DHX57: variants seen among roughly 807,000 people sequenced by gnomAD.
DHX57 encodes the protein putative ATP-dependent RNA helicase DHX57.
Under a neutral mutation model 156.2 loss-of-function variants are expected in DHX57, and 105 were observed. The observed-to-expected ratio is 0.67, with a 90% CI of 0.57 to 0.79. DHX57 has a LOEUF of 0.79. Among genes scored for constraint, DHX57 ranks in the 30% least tolerant of loss-of-function variants. DHX57 has a pLI of 0.00. For synonymous variants in DHX57, 704 were observed against 595.6 expected (o/e 1.18, Z -2.65); for missense variants, 1,847 against 1,661.9 (o/e 1.11, Z -1.94).
intron 9 of DHX57, among the ~76,000 whole-genome samples, chr2:38,848,807 C>T (rs1672425528): frequency 6.6e-6 from 1 of 152,020 alleles, no homozygotes; most frequent in African/African-American, 2.4e-5. Flanking sequence ...TACATTGAAC[C>T]ATCGGAGAGC....
intron 16 of DHX57, 41 bp from the exon 17 acceptor site, chr2:38,823,310 T>C (rs1025303719): frequency 6.4e-7 from 1 of 1,574,280 alleles, no homozygotes; most frequent in Non-Finnish European, 8.7e-7. Context: ...ATTTTATTTC[T>C]GGTGGGATGA....
At chr2:38,872,829 A>C (rs1558411771) in intron 1 of DHX57, among the ~76,000 whole-genome samples, 1 of 152,208 alleles carries the variant, frequency 6.6e-6, no homozygotes, top group African/African-American at 2.4e-5. Context: ...TAGACAGAGG[A>C]TCAACAAGGA....
At chr2:38,859,923 A>ACAT in intron 5 of DHX57, among the ~76,000 whole-genome samples, 1 of 150,854 alleles carries the variant, frequency 6.6e-6, no homozygotes, top group South Asian at 2.1e-4. Flanking sequence ...TGATTCCCCC[A>ACAT]CATCAGCCTC....
At chr2:38,834,880 T>C (rs1036821073) in intron 13 of DHX57, among the ~76,000 whole-genome samples, 1 of 152,188 alleles carries the variant, frequency 6.6e-6, no homozygotes, top group Non-Finnish European at 1.5e-5. Context: ...TTTTGAGAAA[T>C]ACCTTTTTAT....
intron 19 of DHX57, chr2:38,816,283 T>C (rs1023064090): frequency 1.1e-5 from 5 of 457,354 alleles, no homozygotes; most frequent in Admixed American, 4.8e-5. Context: ...GGCGCAATCT[T>C]GGCTTTCTGC....
intron 22 of DHX57, 68 bp from the exon 23 acceptor site, chr2:38,802,983 C>G: frequency 6.4e-7 from 1 of 1,570,044 alleles, no homozygotes. Flanking sequence ...ACCCCCCAGT[C>G]CCACGGATTT....
intron 12 of DHX57, among the ~76,000 whole-genome samples, chr2:38,839,828 T>C (rs1010274409): frequency 1.3e-5 from 2 of 151,970 alleles, no homozygotes; most frequent in African/African-American, 4.8e-5. Context: ...AAGGGTGTGG[T>C]TGGGTGAGAA....
At chr2:38,811,255 C>G (rs1159838787) in intron 21 of DHX57, 1 of 515,836 alleles carries the variant, frequency 1.9e-6, no homozygotes, top group Non-Finnish European at 3.8e-6. Flanking sequence ...GAGCAATGAC[C>G]TTAATCTGGG....
intron 21 of DHX57, chr2:38,811,293 A>T: frequency 3.8e-6 from 2 of 523,038 alleles, no homozygotes; most frequent in Non-Finnish European, 7.6e-6. Context: ...GCGAGCTCAA[A>T]CCAGACCTGA....
chr2:38,859,132 C>T (rs763377761), intron 5 of DHX57, among the ~76,000 whole-genome samples: 9 of 152,182 alleles, frequency 5.9e-5, no homozygotes, highest in Non-Finnish European at 1.2e-4. Context: ...ACACAAATAT[C>T]TATCAAATGA....
At position 38,847,854 on chromosome 2, in the gene DHX57, C is replaced by T. The variant is rs569891919; in HGVS notation, c.2164+415G>A. Among the ~76,000 whole-genome samples, 28 of 152,066 alleles carry T rather than the reference C, an allele frequency of 1.8e-4. No homozygotes were observed. In the South Asian group the frequency reaches 5.4e-3, roughly 29 times the overall value. On this transcript the variant is annotated intron_variant, in intron 10 of 23. Coordinates refer to ENST00000457308, the MANE Select transcript of DHX57 (RefSeq NM_198963.3). ...ATCCCAGCACTTTGGGAGGCCGAGGCGGGCAGATCGTGAGGTCAGGAGATG... is the reference window on the plus strand; with the variant it reads ...ATCCCAGCACTTTGGGAGGCCGAGGTGGGCAGATCGTGAGGTCAGGAGATG...
At position 38,798,280 on chromosome 2, in the gene DHX57, C is replaced by A; in HGVS notation, c.*19G>T. 6.2e-7 allele frequency: 1 copy of A among 1,600,284 alleles called. No homozygotes were observed. The highest frequency in any genetic ancestry group is 1.8e-5 in the Admixed American group (1 of 56,646). Reference sequence around the variant, plus strand: ...GAGCTAGAAGCAGGTGAGTAGCAAGCACTCTCTAAGACTGCTTTTTATTGT... The same window carrying A: ...GAGCTAGAAGCAGGTGAGTAGCAAGAACTCTCTAAGACTGCTTTTTATTGT... On this transcript the variant is annotated 3_prime_UTR_variant, in exon 24 of 24. Transcript: ENST00000457308.
rs573154170 is a variant in DHX57 at position 38,821,383 on chromosome 2, C to A, written c.3291+1610G>T. Among the ~76,000 whole-genome samples, 5 of 152,038 alleles carry A rather than the reference C, an allele frequency of 3.3e-5. No individual in the cohort carries two copies. The South Asian group carries it at 1.0e-3, about 32-fold the overall frequency. ...GAGCAGACAGTAAAGAAATAAAGAA[C>A]GGAAAAACAATTGAAAAAAATTAAT... On this transcript the variant is annotated intron_variant, in intron 17 of 23. Coordinates refer to ENST00000457308, the MANE Select transcript of DHX57 (RefSeq NM_198963.3).
At chr2:38,807,094 T>A (rs1444961028) in intron 21 of DHX57, among the ~76,000 whole-genome samples, 2 of 151,708 alleles carry the variant, frequency 1.3e-5, no homozygotes, top group African/African-American at 4.8e-5. Flanking sequence ...TCACTCTGTC[T>A]CTCAGGCCAG....
intron 12 of DHX57, chr2:38,838,816 G>A (rs768732958): frequency 1.3e-4 from 57 of 455,986 alleles, no homozygotes; most frequent in East Asian, 7.0e-4. Flanking sequence ...TAACACCCAC[G>A]GAGTCTACTC....
chr2:38,815,254 G>A (rs1473848064), intron 20 of DHX57, among the ~76,000 whole-genome samples: 1 of 151,132 alleles, frequency 6.6e-6, no homozygotes, highest in Non-Finnish European at 1.5e-5. Context: ...AGAGAGATGA[G>A]GGATTTCACC....
chr2:38,846,962 A>G (rs539850877), intron 11 of DHX57, 57 bp downstream of exon 11: 35 of 1,464,416 alleles, frequency 2.4e-5, no homozygotes, highest in Non-Finnish European at 3.1e-5. Flanking sequence ...CTAGAATTAC[A>G]GGGATGAACC....
intron 13 of DHX57, among the ~76,000 whole-genome samples, chr2:38,830,186 A>T (rs1671307751): frequency 6.6e-6 from 1 of 152,214 alleles, no homozygotes; most frequent in Non-Finnish European, 1.5e-5. Flanking sequence ...TATCCTTCCC[A>T]CTAAATAAAT....
At chr2:38,841,221 A>G (rs1447995391) in intron 12 of DHX57, among the ~76,000 whole-genome samples, 3 of 152,264 alleles carry the variant, frequency 2.0e-5, no homozygotes, top group African/African-American at 4.8e-5. Flanking sequence ...TTAGTTAGAC[A>G]TATTTTAATT....
Sources: gnomAD v4.1 joint callset for allele counts (sites outside exome capture counted in the v4.1 genomes callset) on GRCh38, gnomAD v4.1.1 for gene constraint, MANE v1.5 for transcripts, NCBI Gene and HGNC (gene_info 2026-07-23, HGNC 2026-07-21) for gene names.